Variants in KCNT2 observed in about 807,000 individuals in gnomAD.
The protein encoded by KCNT2 is potassium sodium-activated channel subfamily T member 2, also known as potassium channel subfamily T member 2.
Under a neutral mutation model 153.8 loss-of-function variants are expected in KCNT2, and 67 were observed. The observed-to-expected ratio is 0.44, with a 90% CI of 0.36 to 0.53. KCNT2 has a LOEUF of 0.53. Ranked by LOEUF, KCNT2 falls within the 20% of genes least tolerant of loss-of-function variation. KCNT2 has a pLI of 0.00. For missense variants in KCNT2, 975 were observed against 1,354.8 expected (o/e 0.72, Z 4.40); for synonymous variants, 500 against 458.8 (o/e 1.09, Z -1.15).
intron 22 of KCNT2, among the ~76,000 whole-genome samples, chr1:196,290,523 T>C (rs1660087472): frequency 6.6e-6 from 1 of 151,930 alleles, no homozygotes; most frequent in Non-Finnish European, 1.5e-5. Flanking sequence ...AGTATATCTA[T>C]GCATATACAT....
intron 1 of KCNT2, among the ~76,000 whole-genome samples, chr1:196,527,645 A>G (rs975948983): frequency 2.6e-5 from 4 of 152,166 alleles, no homozygotes; most frequent in East Asian, 1.9e-4. Context: ...TGAAAGTTGC[A>G]TATATTTCTA....
At chr1:196,421,874 T>C (rs1673236084) in intron 12 of KCNT2, among the ~76,000 whole-genome samples, 1 of 152,046 alleles carries the variant, frequency 6.6e-6, no homozygotes, top group Non-Finnish European at 1.5e-5. Flanking sequence ...GGCATGTATA[T>C]TGCCGTCTTC....
At chr1:196,535,396 G>A (rs932069515) in intron 1 of KCNT2, among the ~76,000 whole-genome samples, 1 of 152,172 alleles carries the variant, frequency 6.6e-6, no homozygotes, top group Non-Finnish European at 1.5e-5. Flanking sequence ...ATTGGAAATT[G>A]GAGAGCCAAG....
At chr1:196,451,217 C>CTTTTTTTTTTTTTTTTTTTTTTTTTTTT (rs561944079) in intron 8 of KCNT2, among the ~76,000 whole-genome samples, 1 of 63,558 alleles carries the variant, frequency 1.6e-5, no homozygotes, top group African/African-American at 4.7e-5. Flanking sequence ...ATCCCTCTTT[C>CTTTTTTTTTTTTTTTTTTTTTTTTTTTT]TTTTTTTTTT....
At chr1:196,237,277 T>C (rs1002537684) in intron 26 of KCNT2, among the ~76,000 whole-genome samples, 12 of 151,722 alleles carry the variant, frequency 7.9e-5, no homozygotes, top group African/African-American at 2.9e-4. Context: ...AAAGACACTA[T>C]TTTCGGCTAT....
intron 26 of KCNT2, among the ~76,000 whole-genome samples, chr1:196,245,335 A>G (rs1429088192): frequency 6.6e-6 from 1 of 152,136 alleles, no homozygotes; most frequent in East Asian, 1.9e-4. Flanking sequence ...TAAAAAAGCC[A>G]AAGCAAACCC....
intron 1 of KCNT2, among the ~76,000 whole-genome samples, chr1:196,536,959 T>C (rs1293783284): frequency 1.3e-5 from 2 of 152,210 alleles, no homozygotes; most frequent in African/African-American, 4.8e-5. Flanking sequence ...ATGAATTCTA[T>C]AGCTCAGCTT....
chr1:196,495,734 G>C (rs1462355750), intron 1 of KCNT2, among the ~76,000 whole-genome samples: 13 of 152,020 alleles, frequency 8.6e-5, no homozygotes. Context: ...TTTTGTCAAA[G>C]GCTTATACAA....
Position 196,608,367 on chromosome 1 carries a change from A to G in KCNT2, c.-58T>C. ...AAATGGAGGAGAGGAGGGAGAAAGA[A>G]AGAAAATATTGCGGAGTACAGGGAG... On this transcript the variant is annotated 5_prime_UTR_variant, in exon 1 of 28. Transcript: ENST00000294725. 1 of 1,384,054 alleles carries G rather than the reference A, an allele frequency of 7.2e-7. No homozygotes were observed. The allele number at this position is 1,384,054 out of a possible 1,614,324, so 85.7% of individuals were successfully genotyped here.
intron 16 of KCNT2, among the ~76,000 whole-genome samples, chr1:196,337,441 G>A (rs1261376387): frequency 6.6e-6 from 1 of 152,066 alleles, no homozygotes; most frequent in Admixed American, 6.6e-5. Context: ...CAATGGCTCT[G>A]CATAAAGCCT....
intron 27 of KCNT2, 56 bp from the exon 28 acceptor site, chr1:196,228,391 A>G (rs1653658007): frequency 3.6e-6 from 3 of 836,084 alleles, no homozygotes; most frequent in Non-Finnish European, 5.9e-6. Flanking sequence ...GGCAACATTA[A>G]TTCACACTGA....
At chr1:196,295,905 G>C (rs573948512) in intron 22 of KCNT2, among the ~76,000 whole-genome samples, 1 of 151,860 alleles carries the variant, frequency 6.6e-6, no homozygotes, top group Non-Finnish European at 1.5e-5. Flanking sequence ...TGACATGGAG[G>C]GTTGTCAATG....
intron 1 of KCNT2, among the ~76,000 whole-genome samples, chr1:196,514,521 A>G (rs557701276): frequency 2.6e-5 from 4 of 152,302 alleles, no homozygotes; most frequent in African/African-American, 9.6e-5. Flanking sequence ...TACTTTCAGA[A>G]TAGCTAATGT....
At chr1:196,253,437 CT>C (rs2102306616) in intron 26 of KCNT2, among the ~76,000 whole-genome samples, 1 of 151,486 alleles carries the variant, frequency 6.6e-6, no homozygotes, top group African/African-American at 2.4e-5. Context: ...TTATCATGTT[CT>C]TGTTTTCCTC....
At chr1:196,297,072 C>A (rs561817658) in intron 22 of KCNT2, among the ~76,000 whole-genome samples, 52 of 151,428 alleles carry the variant, frequency 3.4e-4, no homozygotes, top group African/African-American at 1.2e-3. Context: ...ATTTTTATTT[C>A]TTTCATTTAT....
chr1:196,597,143 T>C (rs1664180176), intron 1 of KCNT2, among the ~76,000 whole-genome samples: 1 of 152,178 alleles, frequency 6.6e-6, no homozygotes, highest in Non-Finnish European at 1.5e-5. Flanking sequence ...TCCTAGTATG[T>C]TCTCCATCAA....
At chr1:196,444,308 C>T (rs1675498795) in intron 8 of KCNT2, among the ~76,000 whole-genome samples, 1 of 151,394 alleles carries the variant, frequency 6.6e-6, no homozygotes, top group Non-Finnish European at 1.5e-5. Flanking sequence ...TCTAAATATA[C>T]CTTTACTCCC....
chr1:196,502,539 A>C (rs1324655499), intron 1 of KCNT2, among the ~76,000 whole-genome samples: 1 of 152,190 alleles, frequency 6.6e-6, no homozygotes, highest in Non-Finnish European at 1.5e-5. Flanking sequence ...AAATGGGATA[A>C]ATAACAACTA....
chr1:196,372,032 G>A (rs751455597), intron 14 of KCNT2, among the ~76,000 whole-genome samples: 1 of 152,028 alleles, frequency 6.6e-6, no homozygotes. Flanking sequence ...GCATCAAAAT[G>A]ACAAACACTT....
Sources: gnomAD v4.1 joint callset for allele counts (sites outside exome capture counted in the v4.1 genomes callset) on GRCh38, gnomAD v4.1.1 for gene constraint, MANE v1.5 for transcripts, NCBI Gene and HGNC (gene_info 2026-07-23, HGNC 2026-07-21) for gene names.